The following ST6GAL2 variants were observed in gnomAD, a reference collection of about 807,000 sequenced individuals.
The protein encoded by ST6GAL2 is beta-galactoside alpha-2,6-sialyltransferase 2.
ST6GAL2 carries 24 observed loss-of-function variants against 37.5 expected under a neutral mutation model. The observed-to-expected ratio is 0.64, with a 90% CI of 0.46 to 0.90. The LOEUF (loss-of-function observed/expected upper bound fraction) is 0.90, where lower values mean the gene tolerates loss of function less well. Ranked by LOEUF, ST6GAL2 falls within the 40% of genes least tolerant of loss-of-function variation. The probability of loss-of-function intolerance (pLI) is 0.00; values close to 1 mark genes in which losing one functional copy is unlikely to be tolerated. For synonymous variants in ST6GAL2, 306 were observed against 295.1 expected, an observed-to-expected ratio of 1.04 and a Z score of -0.38; for missense variants, 715 against 712.7, an observed-to-expected ratio of 1.00 and a Z score of -0.04.
At chr2:106,862,497 A>C (rs1677842084) in intron 1 of ST6GAL2, among the ~76,000 whole-genome samples, 2 of 152,344 alleles carry the variant, frequency 1.3e-5, no homozygotes, top group East Asian at 3.9e-4. Context: ...TCATTTCTGA[A>C]CAGCGTAGGC....
At chr2:106,882,884 T>G (rs4676310) in intron 1 of ST6GAL2, among the ~76,000 whole-genome samples, 1 of 152,238 alleles carries the variant, frequency 6.6e-6, no homozygotes, top group Non-Finnish European at 1.5e-5. Context: ...TCCGTCCAGA[T>G]AGAAGTCCTC....
chr2:106,866,917 A>T (rs996063344), intron 1 of ST6GAL2, among the ~76,000 whole-genome samples: 10 of 152,230 alleles, frequency 6.6e-5, no homozygotes, highest in African/African-American at 2.4e-4. Flanking sequence ...TTATGCAAAC[A>T]AGTTAAATGC....
At chr2:106,819,773 T>C (rs773326771) in intron 5 of ST6GAL2, among the ~76,000 whole-genome samples, 15 of 151,712 alleles carry the variant, frequency 9.9e-5, no homozygotes, top group Non-Finnish European at 1.2e-4. Flanking sequence ...TCAAACATAA[T>C]AACTATAACA....
intron 5 of ST6GAL2, 63 bp downstream of exon 5, chr2:106,830,003 G>T: frequency 2.1e-6 from 3 of 1,453,712 alleles, no homozygotes; most frequent in Non-Finnish European, 2.9e-6. Flanking sequence ...CTGTATATTT[G>T]TTAAATATTA....
intron 1 of ST6GAL2, among the ~76,000 whole-genome samples, chr2:106,882,369 C>T (rs1487740124): frequency 6.6e-6 from 1 of 152,172 alleles, no homozygotes; most frequent in Non-Finnish European, 1.5e-5. Context: ...GGCACTTTAC[C>T]TTCCTGAGGT....
intron 5 of ST6GAL2, 111 bp from the exon 6 acceptor site, chr2:106,807,060 AC>A: frequency 2.2e-6 from 2 of 893,604 alleles, no homozygotes; most frequent in Non-Finnish European, 1.7e-6. Flanking sequence ...AGAGACACTT[AC>A]TTTTTTGTTG....
intron 3 of ST6GAL2, 42 bp downstream of exon 3, chr2:106,834,007 C>G (rs1212221502): frequency 6.8e-7 from 1 of 1,464,334 alleles, no homozygotes; most frequent in South Asian, 1.2e-5. Flanking sequence ...TCCAGTTAAA[C>G]CTAAGAAACA....
intron 1 of ST6GAL2, among the ~76,000 whole-genome samples, chr2:106,883,058 A>G (rs1678817095): frequency 1.3e-5 from 2 of 152,204 alleles, no homozygotes; most frequent in African/African-American, 4.8e-5. Context: ...GCTAGGACCA[A>G]TGCTGGAGCT....
chr2:106,819,372 T>C (rs1257663075), intron 5 of ST6GAL2, among the ~76,000 whole-genome samples: 4 of 151,732 alleles, frequency 2.6e-5, no homozygotes, highest in Admixed American at 1.3e-4. Flanking sequence ...CAAATATTAA[T>C]AACATACAAT....
At position 106,815,546 on chromosome 2, in the gene ST6GAL2, T is replaced by C. The variant is rs150142014; in HGVS notation, c.1319-8597A>G. Among the ~76,000 whole-genome samples the C allele has an allele frequency of 3.1e-4, 47 of 152,378 alleles. No homozygotes were observed. The East Asian group carries it at 8.9e-3, about 29-fold the overall frequency. ...ATTATAGGTCTTAATGAAAGAACAG[T>C]CCTTTTCTGTTTGGGAAAGAGTCTT... On this transcript the variant is annotated intron_variant, in intron 5 of 5. Coordinates refer to ENST00000409382, the MANE Select transcript of ST6GAL2 (RefSeq NM_001142351.2).
chr2:106,856,509 C>G (rs889567508), intron 1 of ST6GAL2, among the ~76,000 whole-genome samples: 1 of 152,222 alleles, frequency 6.6e-6, no homozygotes, highest in Non-Finnish European at 1.5e-5. Flanking sequence ...AAAGCTTCAC[C>G]TGGCTTTTTC....
chr2:106,808,110 A>T (rs1421517095), intron 5 of ST6GAL2, among the ~76,000 whole-genome samples: 1 of 152,236 alleles, frequency 6.6e-6, no homozygotes, highest in Non-Finnish European at 1.5e-5. Context: ...AGATGACAGT[A>T]ATATTCCCTA....
chr2:106,883,986 T>C (rs1416132999), intron 1 of ST6GAL2, among the ~76,000 whole-genome samples: 1 of 152,214 alleles, frequency 6.6e-6, no homozygotes, highest in South Asian at 2.1e-4. Context: ...CAGTTTGTCT[T>C]TCAGAAAAGA....
At chr2:106,853,951 C>G (rs1332127285) in intron 1 of ST6GAL2, among the ~76,000 whole-genome samples, 8 of 152,144 alleles carry the variant, frequency 5.3e-5, no homozygotes, top group African/African-American at 1.9e-4. Flanking sequence ...AATTAGCATT[C>G]AAATATTTAT....
chr2:106,850,360 A>G (rs976488588), intron 1 of ST6GAL2, among the ~76,000 whole-genome samples: 7 of 152,172 alleles, frequency 4.6e-5, no homozygotes, highest in Non-Finnish European at 8.8e-5. Flanking sequence ...CTCTCTGAGC[A>G]TCTTTAAAGG....
intron 5 of ST6GAL2, among the ~76,000 whole-genome samples, chr2:106,826,024 C>G (rs1050254276): frequency 1.3e-5 from 2 of 152,176 alleles, no homozygotes; most frequent in Non-Finnish European, 2.9e-5. Context: ...TGGATAATCT[C>G]CATACAAAGA....
intron 1 of ST6GAL2, among the ~76,000 whole-genome samples, chr2:106,870,333 G>T (rs895996761): frequency 1.3e-5 from 2 of 152,122 alleles, no homozygotes; most frequent in Non-Finnish European, 2.9e-5. Flanking sequence ...TTCACTAAGA[G>T]GGTGAAAAAC....
chr2:106,823,059 A>T (rs771656845), intron 5 of ST6GAL2: 1 of 152,204 alleles, frequency 6.6e-6, no homozygotes, highest in African/African-American at 2.4e-5. Context: ...AGAGGTTCTT[A>T]GAGTTTGCTT....
At chr2:106,873,289 T>A (rs751378146) in intron 1 of ST6GAL2, among the ~76,000 whole-genome samples, 1 of 152,194 alleles carries the variant, frequency 6.6e-6, no homozygotes, top group Non-Finnish European at 1.5e-5. Context: ...TTTCTCCATC[T>A]GCAATGGGGT....
Sources: allele counts gnomAD v4.1 joint callset (sites outside exome capture counted in the v4.1 genomes callset), GRCh38; gene constraint gnomAD v4.1.1; transcripts MANE v1.5; gene names NCBI Gene and HGNC (gene_info 2026-07-23, HGNC 2026-07-21).